Variants in ZBTB7C observed in about 807,000 individuals in gnomAD.
ZBTB7C encodes zinc finger and BTB domain-containing protein 7C.
Under a neutral mutation model 25.7 loss-of-function variants are expected in ZBTB7C, and 8 were observed. That is an observed-to-expected ratio of 0.31 (90% confidence interval 0.18 to 0.56). The LOEUF is 0.56. ZBTB7C is among the 20% of genes least tolerant of loss of function. The probability of loss-of-function intolerance (pLI) is 0.91; values close to 1 mark genes in which losing one functional copy is unlikely to be tolerated. For missense variants in ZBTB7C, 824 were observed against 855.2 expected (o/e 0.96, Z 0.46); for synonymous variants, 394 against 369.0 (o/e 1.07, Z -0.78).
chr18:48,213,979 G>A (rs1199606048), intron 2 of ZBTB7C, among the ~76,000 whole-genome samples: 2 of 152,208 alleles, frequency 1.3e-5, no homozygotes, highest in East Asian at 3.8e-4. Flanking sequence ...AAAGGTGCTT[G>A]GACACGCATC....
chr18:48,380,872 A>C (rs1383001055), intron 1 of ZBTB7C, among the ~76,000 whole-genome samples: 1 of 152,208 alleles, frequency 6.6e-6, no homozygotes, highest in Non-Finnish European at 1.5e-5. Context: ...TCTCTGAACT[A>C]CCATCACAAT....
At chr18:48,171,477 G>C (rs2041478493) in intron 3 of ZBTB7C, among the ~76,000 whole-genome samples, 1 of 152,204 alleles carries the variant, frequency 6.6e-6, no homozygotes, top group Admixed American at 6.5e-5. Flanking sequence ...CAAATTCTAG[G>C]AGCTGATCTC....
In ZBTB7C at chr18:48,318,463, T is replaced by C. The variant is rs141557608; in HGVS notation, c.-79+19711A>G. Reference sequence around the variant, plus strand: ...GGGAGGCAAGTTCCACACAGCCCCTTGCAGACCCATGCTGCCCTAGACCTT... The same window carrying C: ...GGGAGGCAAGTTCCACACAGCCCCTCGCAGACCCATGCTGCCCTAGACCTT... On this transcript the variant is annotated intron_variant, in intron 2 of 4. Transcript: ENST00000590800. Among the ~76,000 whole-genome samples the C allele has an allele frequency of 7.0e-3, 1,065 of 152,186 alleles. 14 individuals carry two copies. The highest frequency in any genetic ancestry group is 0.025 in the African/African-American group (1,023 of 41,526).
chr18:48,236,895 T>C (rs544805383), intron 2 of ZBTB7C, among the ~76,000 whole-genome samples: 4 of 152,118 alleles, frequency 2.6e-5, no homozygotes, highest in African/African-American at 7.2e-5. Flanking sequence ...GAATTAGTCA[T>C]AAAAGTGTTA....
chr18:48,129,674 G>C (rs983908180), intron 3 of ZBTB7C, among the ~76,000 whole-genome samples: 1 of 152,150 alleles, frequency 6.6e-6, no homozygotes, highest in Non-Finnish European at 1.5e-5. Flanking sequence ...GAGAGGCTCC[G>C]GGCACGGCAC....
intron 3 of ZBTB7C, among the ~76,000 whole-genome samples, chr18:48,158,561 A>C (rs1422536835): frequency 6.6e-6 from 1 of 152,046 alleles, no homozygotes; most frequent in Non-Finnish European, 1.5e-5. Flanking sequence ...TTTGGCTCTC[A>C]TCTGTGAGTT....
intron 2 of ZBTB7C, among the ~76,000 whole-genome samples, chr18:48,276,029 TGAG>T (rs2044639170): frequency 6.6e-6 from 1 of 152,108 alleles, no homozygotes; most frequent in Non-Finnish European, 1.5e-5. Context: ...TGACGGGATT[TGAG>T]GACCTGGAGG....
At position 48,029,620 on chromosome 18, in the gene ZBTB7C, G is replaced by T. The variant is rs1031624933; in HGVS notation, c.1500C>A (p.Pro500=). The part of the protein sequence containing the change: ...SLLFGPGGPA[P]DKAAFVMPPA... ...GGGGCATCACGAAGGCCGCCTTGTC[G>T]GGGGCCGGGCCGCCGGGCCCGAAGA... Residue 500 remains proline, a synonymous_variant, in exon 5 of 5, where the codon CCC becomes CCA. Coordinates refer to ENST00000590800, the MANE Select transcript of ZBTB7C (RefSeq NM_001318841.2). The T allele has an allele frequency of 1.3e-6, 2 of 1,494,264 alleles. No homozygotes were observed. Among genetic ancestry groups the T allele is most frequent in the Admixed American group, 2.6e-5 (1 of 38,874 alleles). The allele number at this position is 1,494,264 out of a possible 1,614,324, so 92.6% of individuals were successfully genotyped here.
At chr18:48,388,610 G>A (rs148287435) in intron 1 of ZBTB7C, among the ~76,000 whole-genome samples, 12 of 152,292 alleles carry the variant, frequency 7.9e-5, no homozygotes, top group East Asian at 5.8e-4. Context: ...ACAGCCAGGC[G>A]CGGTAGTACA....
chr18:48,336,387 T>C (rs1416305464), intron 2 of ZBTB7C, among the ~76,000 whole-genome samples: 2 of 152,210 alleles, frequency 1.3e-5, no homozygotes, highest in African/African-American at 2.4e-5. Flanking sequence ...CGATCACTTA[T>C]TATGGTGCCA....
intron 2 of ZBTB7C, among the ~76,000 whole-genome samples, chr18:48,308,246 C>A (rs1197465129): frequency 1.3e-5 from 2 of 152,188 alleles, no homozygotes; most frequent in African/African-American, 4.8e-5. Context: ...ACTCCCTGCC[C>A]CCAGATTCCC....
chr18:48,143,016 G>A (rs1050942937), intron 3 of ZBTB7C, among the ~76,000 whole-genome samples: 3 of 152,158 alleles, frequency 2.0e-5, no homozygotes, highest in Non-Finnish European at 4.4e-5. Context: ...TTCTAGCAGG[G>A]GAAAGATAAT....
rs1467056184 is a variant in ZBTB7C, at chr18:48,040,274, C to T, written c.834G>A (p.Gly278=). 1.3e-6 allele frequency: 2 copies of T among 1,561,884 alleles called. No individual in the cohort carries two copies. Among genetic ancestry groups the T allele is most frequent in the Non-Finnish European group, 1.7e-6 (2 of 1,156,304 alleles). ...AQLPEQPMDS[G]PLDLVIKNRK... ...GATTCTTGATGACCAGATCCAGTGG[C>T]CCACTGTCCATGGGCTGCTCAGGCA... Residue 278 remains glycine (G), a synonymous_variant, in exon 4 of 5, where the codon GGG becomes GGA. Coordinates refer to ENST00000590800, the MANE Select transcript of ZBTB7C (RefSeq NM_001318841.2).
chr18:48,192,434 C>G (rs924528247), intron 2 of ZBTB7C, among the ~76,000 whole-genome samples: 1 of 152,148 alleles, frequency 6.6e-6, no homozygotes, highest in Non-Finnish European at 1.5e-5. Context: ...CAACGTGGAC[C>G]GTGAACTCCA....
chr18:48,408,468 G>A (rs746274288), intron 1 of ZBTB7C: 1 of 151,992 alleles, frequency 6.6e-6, no homozygotes, highest in Admixed American at 6.5e-5. Flanking sequence ...TCCGAGGCTT[G>A]GAGGAACTGT....
chr18:48,324,464 G>T (rs11659210), intron 2 of ZBTB7C, among the ~76,000 whole-genome samples: 8,186 of 152,142 alleles, frequency 0.054, 280 homozygotes, highest in South Asian at 0.099. Context: ...GTAAATAAAT[G>T]AGACATCTAT....
chr18:48,226,560 G>A (rs942363801), intron 2 of ZBTB7C, among the ~76,000 whole-genome samples: 1 of 152,176 alleles, frequency 6.6e-6, no homozygotes, highest in African/African-American at 2.4e-5. Flanking sequence ...GCATGTGCAT[G>A]ACTGCACTGC....
chr18:48,365,728 A>G (rs757085447), intron 1 of ZBTB7C, among the ~76,000 whole-genome samples: 12 of 152,184 alleles, frequency 7.9e-5, no homozygotes, highest in Non-Finnish European at 1.5e-4. Flanking sequence ...TGAGATAACA[A>G]ATGTATTAGT....
chr18:48,099,304 C>T (rs1220622833), intron 3 of ZBTB7C, among the ~76,000 whole-genome samples: 1 of 152,196 alleles, frequency 6.6e-6, no homozygotes, highest in Non-Finnish European at 1.5e-5. Flanking sequence ...GAAAATGTGA[C>T]GCATGTTGTC....
Sources: gnomAD v4.1 joint callset for allele counts (sites outside exome capture counted in the v4.1 genomes callset) on GRCh38, gnomAD v4.1.1 for gene constraint, MANE v1.5 for transcripts, NCBI Gene and HGNC (gene_info 2026-07-23, HGNC 2026-07-21) for gene names.